Variants in ADGRL2 observed in about 807,000 individuals in gnomAD.
The protein encoded by ADGRL2 is adhesion G protein-coupled receptor L2, also known as calcium-independent alpha-latrotoxin receptor 2.
In ADGRL2, 44 loss-of-function variants were observed where a neutral mutation model predicts 157.4. The ratio of observed to expected loss-of-function variants is 0.28; its 90% CI spans 0.22 to 0.36. The LOEUF is 0.36. Among genes scored for constraint, ADGRL2 ranks in the 10% least tolerant of loss-of-function variants. ADGRL2 has a pLI of 1.00. For synonymous variants in ADGRL2, 585 were observed against 624.7 expected (o/e 0.94, Z 0.95); for missense variants, 1,510 against 1,768.9 (o/e 0.85, Z 2.63).
rs535572225 is a variant in ADGRL2 at position 81,868,700 on chromosome 1, A to G, written c.73+31643A>G. Among the ~76,000 whole-genome samples the G allele has an allele frequency of 2.6e-5, 4 of 152,170 alleles. No homozygotes were observed. The East Asian group carries it at 5.8e-4, about 22-fold the overall frequency. The stretch of plus-strand genomic sequence containing the variant: ...AATTAAAACACCCTTCTCCCCTACA[A>G]CATTCATACCTACAAAACTCTGTTA... On this transcript the variant is annotated intron_variant, in intron 2 of 23. Transcript: ENST00000686636.
At chr1:81,606,155 T>C (rs1049152696) in intron 3 of ADGRL2, among the ~76,000 whole-genome samples, 1 of 152,186 alleles carries the variant, frequency 6.6e-6, no homozygotes, top group African/African-American at 2.4e-5. Context: ...AAGCAGCTTT[T>C]TTTAGAATGA....
chr1:81,665,744 C>G (rs2082738741), intron 3 of ADGRL2, among the ~76,000 whole-genome samples: 1 of 152,094 alleles, frequency 6.6e-6, no homozygotes, highest in African/African-American at 2.4e-5. Flanking sequence ...TGGAGATGTT[C>G]AAGGTACCTT....
intron 1 of ADGRL2, among the ~76,000 whole-genome samples, chr1:81,431,277 C>G (rs953762554): frequency 6.6e-6 from 1 of 151,996 alleles, no homozygotes; most frequent in African/African-American, 2.4e-5. Flanking sequence ...CAGATATTTT[C>G]AAGGGAATTG....
intron 1 of ADGRL2, among the ~76,000 whole-genome samples, chr1:81,310,216 T>C (rs1209396507): frequency 6.6e-6 from 1 of 152,192 alleles, no homozygotes; most frequent in Non-Finnish European, 1.5e-5. Flanking sequence ...TCAGTAATTG[T>C]TATCTCCTTA....
At chr1:81,347,860 G>C (rs1662590734) in intron 1 of ADGRL2, among the ~76,000 whole-genome samples, 1 of 152,212 alleles carries the variant, frequency 6.6e-6, no homozygotes, top group South Asian at 2.1e-4. Flanking sequence ...AAAAAGGGCA[G>C]AGAAAGGACA....
intron 2 of ADGRL2, among the ~76,000 whole-genome samples, chr1:81,851,520 T>A (rs1413951483): frequency 6.6e-6 from 1 of 151,882 alleles, no homozygotes; most frequent in Non-Finnish European, 1.5e-5. Context: ...AGGAGGACAT[T>A]TTATCTTCAT....
intron 1 of ADGRL2, among the ~76,000 whole-genome samples, chr1:81,374,491 G>A (rs1250832658): frequency 6.6e-6 from 1 of 151,286 alleles, no homozygotes; most frequent in Non-Finnish European, 1.5e-5. Flanking sequence ...AGAATCACTT[G>A]AACCTGGGAG....
intron 1 of ADGRL2, among the ~76,000 whole-genome samples, chr1:81,705,377 A>G (rs1357768524): frequency 6.6e-6 from 1 of 152,116 alleles, no homozygotes; most frequent in Non-Finnish European, 1.5e-5. Flanking sequence ...GTTTGGATGC[A>G]GAAAAGCCTA....
rs143093666 is a variant in ADGRL2, at chr1:81,563,360, C to T, written c.-247-17516C>T. 2.4e-3 allele frequency among the ~76,000 whole-genome samples: 365 copies of T among 152,146 alleles called. 2 individuals carry two copies. The highest frequency in any genetic ancestry group is 8.1e-3 in the African/African-American group (338 of 41,502). On this transcript the variant is annotated intron_variant, in intron 2 of 24. Transcript: ENST00000370721. ...GTGTCACTATTATTTCCATTTTTAA[C>T]GGAGTTCTTTGATTACTTAAGGGAT...
At chr1:81,641,538 C>T (rs893299313) in intron 3 of ADGRL2, among the ~76,000 whole-genome samples, 4 of 152,026 alleles carry the variant, frequency 2.6e-5, no homozygotes, top group Non-Finnish European at 5.9e-5. Flanking sequence ...TGGAAAATCC[C>T]CCAAAAAACT....
chr1:81,629,721 G>C (rs2081976562), intron 3 of ADGRL2, among the ~76,000 whole-genome samples: 1 of 151,100 alleles, frequency 6.6e-6, no homozygotes, highest in Non-Finnish European at 1.5e-5. Flanking sequence ...GTATACATAT[G>C]TATGTGCATG....
intron 2 of ADGRL2, among the ~76,000 whole-genome samples, chr1:81,460,622 G>A (rs1303037184): frequency 6.6e-6 from 1 of 152,172 alleles, no homozygotes; most frequent in Non-Finnish European, 1.5e-5. Flanking sequence ...AGCATGGCTT[G>A]CAGAATTTGT....
intron 2 of ADGRL2, among the ~76,000 whole-genome samples, chr1:81,866,020 C>CATGT (rs1354032854): frequency 6.6e-6 from 1 of 152,156 alleles, no homozygotes; most frequent in Non-Finnish European, 1.5e-5. Context: ...CTGCCAAGAT[C>CATGT]ACATAACTGT....
upstream of ADGRL2, among the ~76,000 whole-genome samples, chr1:81,796,812 A>G (rs553471945): frequency 7.9e-5 from 12 of 152,188 alleles, no homozygotes; most frequent in Non-Finnish European, 1.8e-4. Context: ...TTATATTTAC[A>G]TTATACTTTA....
intron 2 of ADGRL2, among the ~76,000 whole-genome samples, chr1:81,488,538 A>C (rs1226749423): frequency 8.9e-4 from 1 of 1,120 alleles, no homozygotes; most frequent in African/African-American, 1.9e-3. Flanking sequence ...TGTCTCTACA[A>C]AAAAAAAAAA....
chr1:81,612,479 A>G (rs1365611891), intron 3 of ADGRL2, among the ~76,000 whole-genome samples: 2 of 152,188 alleles, frequency 1.3e-5, no homozygotes. Flanking sequence ...AAAAATAAAC[A>G]ATATTCTATG....
rs1329941273 is a variant in ADGRL2, at chr1:81,992,467, C to G, written c.*1322C>G. On this transcript the variant is annotated 3_prime_UTR_variant, in exon 24 of 24. Coordinates refer to ENST00000686636, the MANE Select transcript of ADGRL2 (RefSeq NM_001366006.2). ...ATGTATGATACATAATTGGCTTTAA[C>G]ATGTTGGTCCATTCCCACCTTGGTT... 2.0e-5 allele frequency: 3 copies of G among 152,450 alleles called. No homozygotes were observed. The highest frequency in any genetic ancestry group is 4.4e-5 in the Non-Finnish European group (3 of 68,022). The allele number at this position is 152,450 out of a possible 1,614,324, so 9.4% of individuals were successfully genotyped here. A position where few individuals can be genotyped will look rare whatever the true frequency, so the allele number is the denominator to read the frequency against.
chr1:81,989,765 G>A (rs1187502279), intron 23 of ADGRL2: 1 of 1,594,496 alleles, frequency 6.3e-7, no homozygotes, highest in Non-Finnish European at 8.5e-7. Context: ...GTGGGCCCCT[G>A]GTCCAGTCAG....
chr1:81,426,807 G>C (rs1396255356), intron 1 of ADGRL2: 3 of 502,902 alleles, frequency 6.0e-6, no homozygotes, highest in Non-Finnish European at 1.1e-5. Flanking sequence ...AGTCGATAAA[G>C]CCTGATGCCC....
Sources: allele counts gnomAD v4.1 joint callset (sites outside exome capture counted in the v4.1 genomes callset), GRCh38; gene constraint gnomAD v4.1.1; transcripts MANE v1.5; gene names NCBI Gene and HGNC (gene_info 2026-07-23, HGNC 2026-07-21).